Variants in FOLR2 observed in about 807,000 individuals in gnomAD.
FOLR2 encodes the protein folate receptor beta, also known as folate receptor 2 (fetal).
In FOLR2, 14 loss-of-function variants were observed where a neutral mutation model predicts 20.4. The ratio of observed to expected loss-of-function variants is 0.68; its 90% CI spans 0.45 to 1.07. The LOEUF is 1.07. Ranked by LOEUF, FOLR2 falls within the 50% of genes least tolerant of loss-of-function variation. The pLI is 0.00. For synonymous variants in FOLR2, 114 were observed against 114.3 expected (o/e 1.00, Z 0.02); for missense variants, 269 against 322.6 (o/e 0.83, Z 1.27).
At chr11:72,219,502 A>C (rs758644059) in intron 2 of FOLR2, among the ~76,000 whole-genome samples, 15 of 152,230 alleles carry the variant, frequency 9.9e-5, no homozygotes, top group Non-Finnish European at 2.1e-4. Context: ...ATATATTTCA[A>C]TATGTCAGTT....
chr11:72,220,498 G>A (rs926769522), intron 2 of FOLR2, among the ~76,000 whole-genome samples: 3 of 152,160 alleles, frequency 2.0e-5, no homozygotes, highest in African/African-American at 7.2e-5. Flanking sequence ...ATTTCTGTCT[G>A]TTTTGTTCTC....
chr11:72,221,067 T>TCGGGGGGGGGGGCCCCCCCCCCCC lies in FOLR2; in HGVS notation c.339+10_339+11insGGGGGGGGGGGCCCCCCCCCCCCC. The TCGGGGGGGGGGGCCCCCCCCCCCC allele has an allele frequency of 1.7e-5, 26 of 1,569,732 alleles. No homozygotes were observed. The highest frequency in any genetic ancestry group is 4.2e-5 in the African/African-American group (3 of 71,412). On this transcript the variant is annotated intron_variant, in intron 3 of 4. Transcript: ENST00000298223. ...GGCCCTGGATCCAGCAGGTAGGGTGTCTCCCCCCCACCCACCCCAGCAGAC... is the reference window on the plus strand; with the variant it reads ...GGCCCTGGATCCAGCAGGTAGGGTGTCGGGGGGGGGGGCCCCCCCCCCCCCTCCCCCCCACCCACCCCAGCAGAC...
At chr11:72,220,417 C>CAT (rs947633397) in intron 2 of FOLR2, among the ~76,000 whole-genome samples, 5 of 151,806 alleles carry the variant, frequency 3.3e-5, no homozygotes, top group East Asian at 1.9e-4. Flanking sequence ...CCTGACATAC[C>CAT]ATATATATAT....
chr11:72,221,044 C>T lies in FOLR2; in HGVS notation c.325C>T (p.Pro109Ser), dbSNP rs1407560647. 1.2e-6 allele frequency: 2 copies of T among 1,613,174 alleles called. No individual in the cohort carries two copies. ...CLYECSPNLGPWIQQVNQSWR... is the reference protein window; with the variant it reads ...CLYECSPNLGSWIQQVNQSWR... ...CTATGAGTGCTCACCCAACCTGGGG[C>T]CCTGGATCCAGCAGGTAGGGTGTCT... is the stretch of plus-strand genomic sequence containing the variant. Residue 109 changes from proline (P) to serine (S), a missense_variant, in exon 3 of 5, where the codon CCC becomes TCC. Coordinates refer to ENST00000298223, the MANE Select transcript of FOLR2 (RefSeq NM_000803.5).
rs1565374766 is a variant in FOLR2 at position 72,221,066 on chromosome 11, G to T, written c.339+8G>T. The T allele has an allele frequency of 1.9e-6, 3 of 1,596,462 alleles. No homozygotes were observed. In the Middle Eastern group the frequency reaches 5.0e-4, roughly 268 times the overall value. ...GGGCCCTGGATCCAGCAGGTAGGGT[G>T]TCTCCCCCCCACCCACCCCAGCAGA... On this transcript the variant is annotated splice_region_variant and intron_variant, in intron 3 of 4. Coordinates refer to ENST00000298223, the MANE Select transcript of FOLR2 (RefSeq NM_000803.5).
chr11:72,221,586 C>A lies in FOLR2; in HGVS notation c.592C>A (p.Arg198=). Residue 198 remains arginine (R), a synonymous_variant, in exon 5 of 5, where the codon CGA becomes AGA. Transcript: ENST00000298223. ...CTCATACAAGGTCAGCAACTACAGCCGAGGGAGCGGCCGCTGCATCCAGAT... is the reference window on the plus strand; with the variant it reads ...CTCATACAAGGTCAGCAACTACAGCAGAGGGAGCGGCCGCTGCATCCAGAT... ...SHSYKVSNYS[R]GSGRCIQMWF... 1 of 1,614,150 alleles carries A rather than the reference C, an allele frequency of 6.2e-7. No individual in the cohort carries two copies. Among genetic ancestry groups the A allele is most frequent in the Non-Finnish European group, 8.5e-7 (1 of 1,180,034 alleles).
intron 2 of FOLR2, among the ~76,000 whole-genome samples, chr11:72,220,259 A>G (rs1206061161): frequency 6.6e-6 from 1 of 152,234 alleles, no homozygotes; most frequent in East Asian, 1.9e-4. Context: ...AATATATTCA[A>G]ACTCCATTAC....
At chr11:72,219,849 C>CT (rs774060157) in intron 2 of FOLR2, among the ~76,000 whole-genome samples, 4,195 of 140,544 alleles carry the variant, frequency 0.03, 148 homozygotes, top group African/African-American at 0.08. Context: ...CTTTTGCTTA[C>CT]TTTTTTTTTT....
At chr11:72,217,924 C>T (rs905839225) in intron 1 of FOLR2, among the ~76,000 whole-genome samples, 5 of 152,194 alleles carry the variant, frequency 3.3e-5, no homozygotes, top group African/African-American at 1.2e-4. Flanking sequence ...AGCCCAGAGA[C>T]AGCTGAGGAG....
intron 2 of FOLR2, 120 bp downstream of exon 2, chr11:72,218,854 GGA>G (rs1948437624): frequency 2.4e-6 from 2 of 843,762 alleles, no homozygotes; most frequent in Admixed American, 4.8e-5. Context: ...TTTTCCTGTG[GGA>G]GAAGATGAAG....
At chr11:72,217,339 A>G in intron 1 of FOLR2, 6 of 1,287,642 alleles carry the variant, frequency 4.7e-6, no homozygotes, top group Non-Finnish European at 6.1e-6. Flanking sequence ...TTCTTTAGAA[A>G]GATCATGCTG....
At position 72,218,653 on chromosome 11, in the gene FOLR2, C is replaced by T. The variant is rs1359751119; in HGVS notation, c.69C>T (p.Asp23=). Residue 23 remains aspartate, a synonymous_variant, in exon 2 of 5, where the codon GAC becomes GAT. Transcript: ENST00000298223. ...TAGCCACCATGTGCAGTGCCCAGGACAGGACTGATCTCCTCAATGTCTGTA... is the reference window on the plus strand; with the variant it reads ...TAGCCACCATGTGCAGTGCCCAGGATAGGACTGATCTCCTCAATGTCTGTA... ...VCVATMCSAQ[D]RTDLLNVCMD... is the part of the protein sequence containing the mutation. The T allele has an allele frequency of 2.5e-6, 4 of 1,613,158 alleles. No homozygotes were observed. In the East Asian group the frequency reaches 6.7e-5, roughly 27 times the overall value.
intron 4 of FOLR2, 54 bp downstream of exon 4, chr11:72,221,365 A>C (rs753276866): frequency 5.6e-6 from 9 of 1,602,674 alleles, no homozygotes; most frequent in Admixed American, 1.7e-5. Context: ...AGGGTTTGGA[A>C]AATCTTCAAG....
rs761117080 is a variant in FOLR2, at chr11:72,221,544, G to A, written c.550G>A (p.Glu184Lys). ...CTTCCCCACTCCAGCTGCCCTTTGT[G>A]AAGGCCTCTGGAGTCACTCATACAA... is the stretch of plus-strand genomic sequence containing the variant. ...SYFPTPAALC[E>K]GLWSHSYKVS... The change falls in exon 5 of 5, where the codon GAA becomes AAA. Residue 184 changes from glutamate (E) to lysine (K), a missense_variant. Glu to Lys is a moderately conservative substitution (Grantham distance 56, BLOSUM62 1). Coordinates refer to ENST00000298223, the MANE Select transcript of FOLR2 (RefSeq NM_000803.5). The A allele has an allele frequency of 6.2e-7, 1 of 1,614,040 alleles. No individual in the cohort carries two copies. Among genetic ancestry groups the A allele is most frequent in the Non-Finnish European group, 8.5e-7 (1 of 1,179,970 alleles).
intron 2 of FOLR2, 106 bp from the exon 3 acceptor site, chr11:72,220,764 C>T: frequency 2.1e-6 from 3 of 1,435,140 alleles, no homozygotes; most frequent in Non-Finnish European, 2.9e-6. Context: ...GTTCTCAGGA[C>T]AACCTGCCTA....
Position 72,221,459 on chromosome 11 carries a change from T to G in FOLR2, c.476-11T>G. On this transcript the variant is annotated splice_polypyrimidine_tract_variant and intron_variant, in intron 4 of 4. Coordinates refer to ENST00000298223, the MANE Select transcript of FOLR2 (RefSeq NM_000803.5). The stretch of plus-strand genomic sequence containing the variant: ...GCTGAAAGTCTGTGTCCACCATGCC[T>G]CTCCCTGCAGGAGTTAACAAGTGCC... 6.2e-7 allele frequency: 1 copy of G among 1,611,654 alleles called. No individual in the cohort carries two copies. Among genetic ancestry groups the G allele is most frequent in the Non-Finnish European group, 8.5e-7 (1 of 1,178,286 alleles).
chr11:72,221,069 T>TCACCCCC lies in FOLR2; in HGVS notation c.339+12_339+13insACCCCCC. 1 of 717,302 alleles carries TCACCCCC rather than the reference T, an allele frequency of 1.4e-6. No homozygotes were observed. The highest frequency in any genetic ancestry group is 2.2e-6 in the Non-Finnish European group (1 of 458,084). The allele number at this position is 717,302 out of a possible 1,614,324, so 44.4% of individuals were successfully genotyped here. A position where few individuals can be genotyped will look rare whatever the true frequency, so the allele number is the denominator to read the frequency against. The stretch of plus-strand genomic sequence containing the variant: ...CCCTGGATCCAGCAGGTAGGGTGTC[T>TCACCCCC]CCCCCCCACCCACCCCAGCAGACTG... On this transcript the variant is annotated intron_variant, in intron 3 of 4. Transcript: ENST00000298223.
intron 2 of FOLR2, 67 bp downstream of exon 2, chr11:72,218,801 G>C: frequency 7.2e-7 from 1 of 1,395,538 alleles, no homozygotes; most frequent in Non-Finnish European, 1.0e-6. Context: ...AGTCAGGATG[G>C]TGGGAGAGGG....
chr11:72,217,041 T>C, intron 1 of FOLR2, 116 bp downstream of exon 1: 1 of 1,162,596 alleles, frequency 8.6e-7, no homozygotes, highest in Non-Finnish European at 1.2e-6. Context: ...ATTGTATTTT[T>C]TGAGACAGAG....
Sources: allele counts gnomAD v4.1 joint callset (sites outside exome capture counted in the v4.1 genomes callset), GRCh38; gene constraint gnomAD v4.1.1; transcripts MANE v1.5; gene names NCBI Gene and HGNC (gene_info 2026-07-23, HGNC 2026-07-21).